Variants in AGAP1 observed in about 807,000 individuals in gnomAD.
AGAP1 encodes ArfGAP with GTPase domain, ankyrin repeat and PH domain 1.
AGAP1 carries 29 observed loss-of-function variants against 105.3 expected under a neutral mutation model. The ratio of observed to expected loss-of-function variants is 0.28; its 90% CI spans 0.21 to 0.38. AGAP1 has a LOEUF of 0.38. Ranked by LOEUF, AGAP1 falls within the 10% of genes least tolerant of loss-of-function variation. The pLI is 1.00. For synonymous variants in AGAP1, 509 were observed against 485.9 expected, an observed-to-expected ratio of 1.05 and a Z score of -0.63; for missense variants, 998 against 1,165.1, an observed-to-expected ratio of 0.86 and a Z score of 2.09.
chr2:236,048,726 T>TC (rs2057802979), intron 15 of AGAP1, among the ~76,000 whole-genome samples: 1 of 152,194 alleles, frequency 6.6e-6, no homozygotes, highest in Admixed American at 6.5e-5. Context: ...ACGTGCTTTT[T>TC]CCCACACAGG....
Position 235,559,209 on chromosome 2 carries a change from G to C in AGAP1, c.163+64360G>C, listed in dbSNP as rs999047449. ...CCCAAAGTGCTGGGATTATAGGCCT[G>C]AGCTGCCACCACAGTTGGCTTGAAG... is the stretch of plus-strand genomic sequence containing the variant. On this transcript the variant is annotated intron_variant, in intron 1 of 17. Coordinates refer to ENST00000304032, the MANE Select transcript of AGAP1 (RefSeq NM_001037131.3). The surrounding 1 kb of genome is among the most constrained non-coding windows in gnomAD (Gnocchi z 5.7). 1.3e-5 allele frequency among the ~76,000 whole-genome samples: 2 copies of C among 152,210 alleles called. No homozygotes were observed. Among genetic ancestry groups the C allele is most frequent in the African/African-American group, 4.8e-5 (2 of 41,452 alleles).
intron 12 of AGAP1, among the ~76,000 whole-genome samples, chr2:235,942,448 C>T (rs959189015): frequency 2.0e-5 from 3 of 152,226 alleles, no homozygotes; most frequent in South Asian, 2.1e-4. Flanking sequence ...GAGGCCGAGA[C>T]GGGCGGATCA....
At position 236,012,557 on chromosome 2, in the gene AGAP1, A is replaced by G. The variant is rs142121866; in HGVS notation, c.1646-24004A>G. On this transcript the variant is annotated intron_variant, in intron 13 of 17. Transcript: ENST00000304032. This position sits in a 1 kb window ranked among gnomAD's most constrained non-coding sequence, Gnocchi z 4.9. Reference sequence around the variant, plus strand: ...ACAGATTTGGTTTCCTTCGTTCCTCATGCATGGTATTTGTACCGGTGGGTA... The same window carrying G: ...ACAGATTTGGTTTCCTTCGTTCCTCGTGCATGGTATTTGTACCGGTGGGTA... Among the ~76,000 whole-genome samples the G allele has an allele frequency of 0.02, 2,995 of 152,134 alleles. 91 individuals carry two copies. Among genetic ancestry groups the G allele is most frequent in the African/African-American group, 0.068 (2,801 of 41,480 alleles).
At chr2:236,102,073 G>A (rs1162516360) in intron 16 of AGAP1, among the ~76,000 whole-genome samples, 3 of 152,126 alleles carry the variant, frequency 2.0e-5, no homozygotes, top group Admixed American at 6.5e-5. Context: ...CTTGAGGCCA[G>A]GATTTCGTGA....
intron 1 of AGAP1, among the ~76,000 whole-genome samples, chr2:235,546,295 G>A (rs1486708683): frequency 2.0e-5 from 3 of 152,204 alleles, no homozygotes; most frequent in African/African-American, 4.8e-5. Flanking sequence ...CACCTGATGG[G>A]GCCATCCTGC....
At chr2:235,831,636 G>A (rs1197348818) in intron 9 of AGAP1, among the ~76,000 whole-genome samples, 1 of 152,186 alleles carries the variant, frequency 6.6e-6, no homozygotes, top group East Asian at 1.9e-4. Context: ...CCATGGCTCA[G>A]TAGCTCATTT....
At chr2:235,520,716 C>T (rs141282411) in intron 1 of AGAP1, among the ~76,000 whole-genome samples, 4 of 152,086 alleles carry the variant, frequency 2.6e-5, no homozygotes, top group Admixed American at 1.3e-4. Flanking sequence ...GAGTACCTTT[C>T]GGGTCATGTA....
intron 1 of AGAP1, among the ~76,000 whole-genome samples, chr2:235,636,067 C>G (rs571165346): frequency 6.6e-6 from 1 of 151,914 alleles, no homozygotes; most frequent in African/African-American, 2.4e-5. Context: ...GAGCCGAGAT[C>G]GTGCCAGTGA....
intron 9 of AGAP1, among the ~76,000 whole-genome samples, chr2:235,810,364 C>G (rs577931540): frequency 2.6e-4 from 40 of 152,266 alleles, no homozygotes; most frequent in African/African-American, 8.7e-4. Flanking sequence ...TCTGCATGAT[C>G]GAAGCCTCAC....
chr2:235,781,800 G>T (rs1448632360), intron 6 of AGAP1, among the ~76,000 whole-genome samples: 1 of 152,132 alleles, frequency 6.6e-6, no homozygotes, highest in Non-Finnish European at 1.5e-5. Context: ...GGCTTTTTTG[G>T]GGGGAGGAGG....
At chr2:235,638,633 T>A (rs557895311) in intron 1 of AGAP1, among the ~76,000 whole-genome samples, 1 of 152,168 alleles carries the variant, frequency 6.6e-6, no homozygotes, top group East Asian at 1.9e-4. Flanking sequence ...ACAGTATGAA[T>A]GGTGGTTCCC....
intron 10 of AGAP1, among the ~76,000 whole-genome samples, chr2:235,894,958 T>G (rs1409751337): frequency 6.6e-6 from 1 of 152,248 alleles, no homozygotes; most frequent in East Asian, 1.9e-4. Flanking sequence ...AGGTCAATTA[T>G]GCAGTGATTG....
chr2:235,922,652 A>G (rs1163345838), intron 11 of AGAP1, among the ~76,000 whole-genome samples: 4 of 152,212 alleles, frequency 2.6e-5, no homozygotes, highest in Non-Finnish European at 4.4e-5. Flanking sequence ...AGAACAGGCT[A>G]TTTTTAATGT....
At chr2:235,921,896 A>T (rs866542725) in intron 11 of AGAP1, among the ~76,000 whole-genome samples, 1 of 152,344 alleles carries the variant, frequency 6.6e-6, no homozygotes, top group African/African-American at 2.4e-5. Flanking sequence ...CAATGCAAAT[A>T]CAGGAGCGAA....
At chr2:235,782,928 A>G (rs916398520) in intron 6 of AGAP1, among the ~76,000 whole-genome samples, 2 of 152,118 alleles carry the variant, frequency 1.3e-5, no homozygotes, top group Admixed American at 6.5e-5. Context: ...TAGGTGTTGT[A>G]TGGGAGGCAG....
chr2:236,116,427 G>T, intron 16 of AGAP1, among the ~76,000 whole-genome samples: 1 of 144,190 alleles, frequency 6.9e-6, no homozygotes, highest in Non-Finnish European at 1.5e-5. Flanking sequence ...TTGGCTCACT[G>T]CAACCTCTGC....
rs1281193816 is a variant in AGAP1 at position 235,739,521 on chromosome 2, G to A, written c.311-1442G>A. Among the ~76,000 whole-genome samples the A allele has an allele frequency of 6.6e-6, 1 of 152,200 alleles. No individual in the cohort carries two copies. Among genetic ancestry groups the A allele is most frequent in the Non-Finnish European group, 1.5e-5 (1 of 68,036 alleles). On this transcript the variant is annotated intron_variant, in intron 3 of 17. Coordinates refer to ENST00000304032, the MANE Select transcript of AGAP1 (RefSeq NM_001037131.3). This position sits in a 1 kb window ranked among gnomAD's most constrained non-coding sequence, Gnocchi z 5.3. ...CTACCGTCTTGTTTCAGTGACTGGG[G>A]GGACAGCAAAATGAGAGTTTATCTG...
At chr2:235,871,263 T>G (rs1401247777) in intron 9 of AGAP1, among the ~76,000 whole-genome samples, 1 of 152,212 alleles carries the variant, frequency 6.6e-6, no homozygotes, top group Non-Finnish European at 1.5e-5. Context: ...AGTTGAAATA[T>G]TTTTTCTAAT....
chr2:235,878,574 TG>T (rs1177485918), intron 9 of AGAP1, among the ~76,000 whole-genome samples: 2 of 152,170 alleles, frequency 1.3e-5, no homozygotes, highest in East Asian at 3.9e-4. Flanking sequence ...CTCCTTTCCT[TG>T]AAGACACTCA....
Sources: allele counts gnomAD v4.1 joint callset (sites outside exome capture counted in the v4.1 genomes callset), GRCh38; gene constraint gnomAD v4.1.1; non-coding constraint Gnocchi (gnomAD v3.1); transcripts MANE v1.5; gene names NCBI Gene and HGNC (gene_info 2026-07-23, HGNC 2026-07-21).